TF: variants seen among roughly 807,000 people sequenced by gnomAD.
The protein encoded by TF is transferrin.
A neutral mutation model predicts 82.4 loss-of-function variants in TF; 55 were observed. That is an observed-to-expected ratio of 0.67 (90% CI 0.54 to 0.84). The LOEUF (loss-of-function observed/expected upper bound fraction) is 0.84, where lower values mean the gene tolerates loss of function less well. Ranked by LOEUF, TF falls within the 40% of genes least tolerant of loss-of-function variation. The pLI is 0.00. For synonymous variants in TF, 332 were observed against 332.6 expected, an observed-to-expected ratio of 1.00 and a Z score of 0.02; for missense variants, 737 against 868.4, an observed-to-expected ratio of 0.85 and a Z score of 1.90.
chr3:133,737,218 G>T, the TF span, among the ~76,000 whole-genome samples: 3 of 152,128 alleles, frequency 2.0e-5, no homozygotes, highest in Non-Finnish European at 4.4e-5. Context: ...AATGACTACT[G>T]GGTAAATAAC....
Position 133,795,768 on chromosome 3 carries a change from G to A in TF, c.*17148G>A, listed in dbSNP as rs1367435509. 6.6e-6 allele frequency: 1 copy of A among 151,920 alleles called. No individual in the cohort carries two copies. The highest frequency in any genetic ancestry group is 1.5e-5 in the Non-Finnish European group (1 of 68,092). The allele number at this position is 151,920 out of a possible 1,614,324, so 9.4% of individuals were successfully genotyped here. On this transcript the variant is annotated 3_prime_UTR_variant, in exon 17 of 17. Transcript: ENST00000402696. ...TTTTTTTGTATTTTTAGTGGAGACG[G>A]GGTTTCACCATGTTAGCCAGGATGG...
At position 133,790,700 on chromosome 3, in the gene TF, G is replaced by A. The variant is rs987588274; in HGVS notation, c.*12080G>A. On this transcript the variant is annotated 3_prime_UTR_variant, in exon 17 of 17. Coordinates refer to ENST00000402696, the MANE Select transcript of TF (RefSeq NM_001063.4). ...ATAGTTAAGCATGAAGCCGGATTTG[G>A]TGTGGAGCCAAATTTCACATACATG... is the stretch of plus-strand genomic sequence containing the variant. 3 of 152,226 alleles carry A rather than the reference G, an allele frequency of 2.0e-5. No individual in the cohort carries two copies. The highest frequency in any genetic ancestry group is 7.2e-5 in the African/African-American group (3 of 41,460). 9.4% of individuals were successfully genotyped at this position (152,226 alleles called of 1,614,324 possible). A position where few individuals can be genotyped will look rare whatever the true frequency, so the allele number is the denominator to read the frequency against.
At chr3:133,755,117 C>T (rs989908130) in intron 4 of TF, among the ~76,000 whole-genome samples, 2 of 152,222 alleles carry the variant, frequency 1.3e-5, no homozygotes, top group Admixed American at 6.5e-5. Context: ...GAGAAAGACC[C>T]GAGATAGGCC....
intron 2 of TF, among the ~76,000 whole-genome samples, chr3:133,750,154 G>A (rs1933619375): frequency 6.6e-6 from 1 of 152,182 alleles, no homozygotes. Flanking sequence ...GGAAAGGGAG[G>A]TCAGGGGCCT....
chr3:133,763,283 C>T (rs1934041096), intron 9 of TF, among the ~76,000 whole-genome samples: 1 of 152,122 alleles, frequency 6.6e-6, no homozygotes, highest in Non-Finnish European at 1.5e-5. Context: ...AAATTACATA[C>T]ATTTCAAATG....
chr3:133,748,189 G>C (rs1933557997), intron 1 of TF: 1 of 604,158 alleles, frequency 1.7e-6, no homozygotes, highest in Non-Finnish European at 3.0e-6. Context: ...CACCCCTCTG[G>C]CCAGCAGAGG....
chr3:133,728,349 G>A, the TF span, among the ~76,000 whole-genome samples: 224 of 152,192 alleles, frequency 1.5e-3, no homozygotes, highest in African/African-American at 4.5e-3. Flanking sequence ...GGCTTTGTTC[G>A]TTTCTTTTTA....
At chr3:133,758,017 G>A in intron 8 of TF, 71 bp downstream of exon 8, 1 of 1,514,956 alleles carries the variant, frequency 6.6e-7, no homozygotes, top group Non-Finnish European at 9.1e-7. Flanking sequence ...GCCAGAGATT[G>A]AGTCTTTTCA....
rs1327522452 is a variant in TF, at chr3:133,795,094, T to C, written c.*16474T>C. The C allele has an allele frequency of 2.0e-5, 3 of 152,058 alleles. No individual in the cohort carries two copies. Among genetic ancestry groups the C allele is most frequent in the South Asian group, 2.1e-4 (1 of 4,814 alleles). The allele number at this position is 152,058 out of a possible 1,614,324, so 9.4% of individuals were successfully genotyped here. ...TAATAGAGTTGGCTAAACAGAAGAG[T>C]ATCTGTGCAGCTGCTGGCACTCATG... On this transcript the variant is annotated 3_prime_UTR_variant, in exon 17 of 17. Transcript: ENST00000402696.
chr3:133,743,214 C>CTGCCCCAATGATCT (rs1273598461), upstream of TF, among the ~76,000 whole-genome samples: 1 of 152,170 alleles, frequency 6.6e-6, no homozygotes, highest in Non-Finnish European at 1.5e-5. Context: ...TCTTGCATGG[C>CTGCCCCAATGATCT]TGCCCCAATG....
the TF span, among the ~76,000 whole-genome samples, chr3:133,719,407 A>G: frequency 6.6e-6 from 1 of 152,142 alleles, no homozygotes; most frequent in Non-Finnish European, 1.5e-5. Flanking sequence ...ATTTTCCCCT[A>G]TAATTCCCAG....
chr3:133,725,088 G>T, the TF span, among the ~76,000 whole-genome samples: 4 of 152,200 alleles, frequency 2.6e-5, no homozygotes, highest in Non-Finnish European at 1.5e-5. Flanking sequence ...ATCAGGTAGC[G>T]TGATGCCTCC....
chr3:133,778,315 A>G (rs757301704), intron 16 of TF: 1 of 378,110 alleles, frequency 2.6e-6, no homozygotes, highest in African/African-American at 2.1e-5. Context: ...AGGAACTCAG[A>G]TGTGTGAGCC....
chr3:133,770,917 G>A, intron 14 of TF: 1 of 366,216 alleles, frequency 2.7e-6, no homozygotes, highest in Non-Finnish European at 5.1e-6. Context: ...TTTACATTAT[G>A]TGGATTTAAT....
At chr3:133,662,862 T>C in the TF span, among the ~76,000 whole-genome samples, 1 of 152,228 alleles carries the variant, frequency 6.6e-6, no homozygotes, top group African/African-American at 2.4e-5. Context: ...TATAATGCCA[T>C]GTCCCTTGAT....
the TF span, among the ~76,000 whole-genome samples, chr3:133,697,732 A>G: frequency 1.3e-5 from 2 of 152,242 alleles, no homozygotes; most frequent in African/African-American, 2.4e-5. Context: ...TAATTCTAAC[A>G]TTACTAAATC....
At chr3:133,755,294 G>C (rs144319413) in intron 4 of TF, 69 bp from the exon 5 acceptor site, 2 of 1,611,064 alleles carry the variant, frequency 1.2e-6, no homozygotes, top group Non-Finnish European at 1.7e-6. Flanking sequence ...ATGGGCCTGG[G>C]TGGGGTGATG....
the TF span, among the ~76,000 whole-genome samples, chr3:133,713,386 C>T: frequency 6.6e-6 from 1 of 152,124 alleles, no homozygotes; most frequent in Non-Finnish European, 1.5e-5. Context: ...GGAGCTTATG[C>T]CCAGGAATAT....
At chr3:133,673,267 C>T in the TF span, among the ~76,000 whole-genome samples, 1 of 152,132 alleles carries the variant, frequency 6.6e-6, no homozygotes, top group African/African-American at 2.4e-5. Flanking sequence ...AAAAACAAAA[C>T]TGACCTTATT....
Sources: gnomAD v4.1 joint callset for allele counts (sites outside exome capture counted in the v4.1 genomes callset) on GRCh38, gnomAD v4.1.1 for gene constraint, MANE v1.5 for transcripts, NCBI Gene and HGNC (gene_info 2026-07-23, HGNC 2026-07-21) for gene names.